The following PCGF5 variants were observed in gnomAD, a reference collection of about 807,000 sequenced individuals.
PCGF5 encodes the protein polycomb group ring finger 5.
Under a neutral mutation model 44.3 loss-of-function variants are expected in PCGF5, and 9 were observed. The observed-to-expected ratio is 0.20, with a 90% CI of 0.12 to 0.35. The LOEUF (loss-of-function observed/expected upper bound fraction) is 0.35. Ranked by LOEUF, PCGF5 falls within the 10% of genes least tolerant of loss-of-function variation. PCGF5 has a pLI of 1.00. For synonymous variants in PCGF5, 95 were observed against 102.5 expected (o/e 0.93, Z 0.44); for missense variants, 146 against 305.3 (o/e 0.48, Z 3.89).
chr10:91,188,256 T>A (rs1201421796), intron 1 of PCGF5, among the ~76,000 whole-genome samples: 2 of 152,154 alleles, frequency 1.3e-5, no homozygotes, highest in Non-Finnish European at 2.9e-5. Flanking sequence ...GGGCTAGGCA[T>A]TGCCTCACTC....
chr10:91,199,450 C>G (rs759923785), intron 1 of PCGF5, among the ~76,000 whole-genome samples: 3 of 152,216 alleles, frequency 2.0e-5, no homozygotes, highest in Non-Finnish European at 4.4e-5. Flanking sequence ...TCAGTCCTTG[C>G]ATCCTTGGGA....
intron 8 of PCGF5, among the ~76,000 whole-genome samples, chr10:91,270,475 G>C (rs1417747546): frequency 6.6e-6 from 1 of 152,100 alleles, no homozygotes. Context: ...AAGTCTGATG[G>C]ACCAGAGCTT....
At position 91,176,531 on chromosome 10, in the gene PCGF5, A is replaced by G. The variant is rs573408710; in HGVS notation, c.-184+13450A>G. Among the ~76,000 whole-genome samples, 34 of 152,234 alleles carry G rather than the reference A, an allele frequency of 2.2e-4. No homozygotes were observed. In the East Asian group the frequency reaches 3.9e-3, roughly 17 times the overall value. On this transcript the variant is annotated intron_variant, in intron 1 of 9. Transcript: ENST00000614189. ...TTTCCAACTTGGTTCCATTCTCCCT[A>G]TCACTTTCAGGTACACCAATCAGAC...
At chr10:91,206,759 C>T (rs541509841) in intron 1 of PCGF5, among the ~76,000 whole-genome samples, 1 of 152,162 alleles carries the variant, frequency 6.6e-6, no homozygotes, top group Non-Finnish European at 1.5e-5. Context: ...TAAGCATGAT[C>T]CTGCCTCCAT....
At chr10:91,277,293 A>G (rs1846341196) in intron 9 of PCGF5, among the ~76,000 whole-genome samples, 1 of 152,210 alleles carries the variant, frequency 6.6e-6, no homozygotes, top group Non-Finnish European at 1.5e-5. Flanking sequence ...AAAGAATACA[A>G]AGTTCTCTAT....
At chr10:91,227,359 C>A in intron 2 of PCGF5, 1 of 1,205,232 alleles carries the variant, frequency 8.3e-7, no homozygotes, top group Non-Finnish European at 1.1e-6. Flanking sequence ...ACTGGATGTC[C>A]ACTTGGATGT....
intron 9 of PCGF5, among the ~76,000 whole-genome samples, chr10:91,277,061 A>G (rs1437163759): frequency 6.6e-6 from 1 of 152,176 alleles, no homozygotes; most frequent in African/African-American, 2.4e-5. Flanking sequence ...CTGTCTTGAG[A>G]CTTTTACTCC....
intron 2 of PCGF5, among the ~76,000 whole-genome samples, chr10:91,225,236 TGTATATATG>T (rs1412676541): frequency 3.4e-5 from 5 of 147,528 alleles, no homozygotes; most frequent in Admixed American, 2.7e-4. Context: ...ATATCATATA[TGTATATATG>T]ATATATATCG....
chr10:91,199,611 A>G (rs919369172), intron 1 of PCGF5, among the ~76,000 whole-genome samples: 2 of 152,232 alleles, frequency 1.3e-5, no homozygotes, highest in Non-Finnish European at 2.9e-5. Context: ...CGTGAAATTC[A>G]GCCACGGCTC....
At chr10:91,241,324 C>T (rs993239354) in intron 3 of PCGF5, among the ~76,000 whole-genome samples, 5 of 152,062 alleles carry the variant, frequency 3.3e-5, no homozygotes, top group African/African-American at 1.2e-4. Flanking sequence ...CTGCCTCGGC[C>T]TCCCAAAGTG....
At chr10:91,206,443 TG>T (rs1844349435) in intron 1 of PCGF5, among the ~76,000 whole-genome samples, 1 of 150,506 alleles carries the variant, frequency 6.6e-6, no homozygotes, top group Admixed American at 6.6e-5. Flanking sequence ...TAAAAGAGAG[TG>T]GGAGGGAGAA....
intron 1 of PCGF5, among the ~76,000 whole-genome samples, chr10:91,184,256 T>G (rs1340673700): frequency 6.6e-6 from 1 of 152,228 alleles, no homozygotes; most frequent in Non-Finnish European, 1.5e-5. Flanking sequence ...TTTGTTCATT[T>G]CTTTTCATTC....
chr10:91,184,028 A>G (rs1480463598), intron 1 of PCGF5, among the ~76,000 whole-genome samples: 3 of 151,874 alleles, frequency 2.0e-5, no homozygotes, highest in African/African-American at 4.8e-5. Flanking sequence ...TAATCTGATG[A>G]TTATGTGTCT....
chr10:91,202,042 T>C (rs1373572597), intron 1 of PCGF5, among the ~76,000 whole-genome samples: 1 of 152,202 alleles, frequency 6.6e-6, no homozygotes, highest in Non-Finnish European at 1.5e-5. Flanking sequence ...TTATTAGCAT[T>C]GTGACCAGGT....
At chr10:91,196,735 A>G (rs1844141674) in intron 1 of PCGF5, among the ~76,000 whole-genome samples, 1 of 152,172 alleles carries the variant, frequency 6.6e-6, no homozygotes, top group African/African-American at 2.4e-5. Flanking sequence ...GGGCAGCTTG[A>G]CAATAGTATC....
intron 7 of PCGF5, among the ~76,000 whole-genome samples, chr10:91,262,885 A>T (rs563511572): frequency 6.6e-6 from 1 of 152,322 alleles, no homozygotes; most frequent in Admixed American, 6.5e-5. Flanking sequence ...GCAAAATACC[A>T]TGTATGGTTT....
chr10:91,229,553 A>ATTAT (rs1446018514), intron 2 of PCGF5, among the ~76,000 whole-genome samples: 3 of 152,128 alleles, frequency 2.0e-5, no homozygotes, highest in African/African-American at 2.4e-5. Flanking sequence ...TCTACATAAT[A>ATTAT]TATGTTATGA....
intron 8 of PCGF5, 76 bp from the exon 9 acceptor site, chr10:91,271,562 C>A: frequency 8.5e-7 from 1 of 1,183,320 alleles, no homozygotes; most frequent in Non-Finnish European, 1.2e-6. Flanking sequence ...TGACGTTAAA[C>A]TATTTTAAAT....
chr10:91,193,412 A>G (rs979373405), intron 1 of PCGF5, among the ~76,000 whole-genome samples: 1 of 143,004 alleles, frequency 7.0e-6, no homozygotes, highest in Admixed American at 6.9e-5. Flanking sequence ...GTAATTTGTC[A>G]TGGCAGCAAT....
Sources: gnomAD v4.1 joint callset for allele counts (sites outside exome capture counted in the v4.1 genomes callset) on GRCh38, gnomAD v4.1.1 for gene constraint, MANE v1.5 for transcripts, NCBI Gene and HGNC (gene_info 2026-07-23, HGNC 2026-07-21) for gene names.